The following BCOR variants were observed in gnomAD, a reference collection of about 807,000 sequenced individuals.
BCOR encodes BCL6 corepressor.
Under a neutral mutation model 86.7 loss-of-function variants are expected in BCOR, and 10 were observed. The ratio of observed to expected loss-of-function variants is 0.12; its 90% CI spans 0.07 to 0.20. BCOR has a LOEUF of 0.20. Among genes scored for constraint, BCOR ranks in the 10% least tolerant of loss-of-function variants. The pLI is 1.00. For synonymous variants in BCOR, 611 were observed against 609.0 expected, an observed-to-expected ratio of 1.00 and a Z score of -0.05; for missense variants, 1,259 against 1,452.1, an observed-to-expected ratio of 0.87 and a Z score of 2.16.
intron 1 of BCOR, among the ~76,000 whole-genome samples, chrX:40,136,245 G>A (rs1190571929): frequency 8.9e-6 from 1 of 112,288 alleles, no homozygotes; most frequent in Non-Finnish European, 1.9e-5. Flanking sequence ...ATCCACACTT[G>A]GAGTCAAGCC....
chrX:40,054,308 G>A lies in BCOR; in HGVS notation c.4767C>T (p.Arg1589=), dbSNP rs761422305. The change falls in exon 13 of 15, where the codon CGC becomes CGT. Residue 1589 remains arginine (R), a synonymous_variant. Transcript: ENST00000378444. ...LTDYLNDLQG[R]NDDDASGTWD... The stretch of plus-strand genomic sequence containing the variant: ...AAGTGCCACTGGCGTCATCATCATT[G>A]CGACCCTGGAGGTCATTTAAATAAT... The A allele has an allele frequency of 8.3e-7, 1 of 1,206,620 alleles. No individual in the cohort carries two copies. Among genetic ancestry groups the A allele is most frequent in the Non-Finnish European group, 1.1e-6 (1 of 891,760 alleles).
Position 40,064,470 on chromosome X carries a change from T to C in BCOR, c.3368A>G (p.Asp1123Gly). 1.6e-6 allele frequency: 2 copies of C among 1,212,371 alleles called. No individual in the cohort carries two copies. The highest frequency in any genetic ancestry group is 2.2e-5 in the Admixed American group (1 of 46,147). The change falls in exon 7 of 15, where the codon GAC becomes GGC. Residue 1123 changes from aspartate to glycine, a missense_variant. Asp to Gly is a moderately conservative substitution (Grantham distance 94, BLOSUM62 -1). Coordinates refer to ENST00000378444, the MANE Select transcript of BCOR (RefSeq NM_001123385.2). Reference protein sequence around the residue: ...SEPPADQVASDMPHSPTLRVD... With the variant: ...SEPPADQVASGMPHSPTLRVD... ...CCGGAGGGTGGGGCTGTGAGGCATGTCCGAGGCCACCTGGTCTGCGGGAGG... is the reference window on the plus strand; with the variant it reads ...CCGGAGGGTGGGGCTGTGAGGCATGCCCGAGGCCACCTGGTCTGCGGGAGG...
intron 6 of BCOR, chrX:40,068,194 G>C (rs771643343): frequency 5.4e-5 from 6 of 112,010 alleles, no homozygotes; most frequent in Non-Finnish European, 1.1e-4. Context: ...ACAAGTCACC[G>C]TGGCAACAAA....
At chrX:40,112,059 G>A (rs768144780) in intron 1 of BCOR, among the ~76,000 whole-genome samples, 4 of 111,037 alleles carry the variant, frequency 3.6e-5, no homozygotes, top group South Asian at 3.8e-4. Flanking sequence ...GGGGGGCGGC[G>A]TTGTTTTTCA....
intron 1 of BCOR, among the ~76,000 whole-genome samples, chrX:40,143,435 G>A (rs1376363356): frequency 9.0e-6 from 1 of 111,399 alleles, no homozygotes; most frequent in Admixed American, 9.5e-5. Flanking sequence ...TAAACACCAA[G>A]CCAACTAAAT....
chrX:40,074,261 G>A lies in BCOR; in HGVS notation c.1085C>T (p.Ala362Val), dbSNP rs746238931. 8.3e-7 allele frequency: 1 copy of A among 1,210,701 alleles called. No homozygotes were observed. The highest frequency in any genetic ancestry group is 1.1e-6 in the Non-Finnish European group (1 of 895,332). ...AACTGAAGGAGAGGTGGAGATCCTG[G>A]CATAGTGCTTGTGGAACTCCGAGTA... ...DTYSEFHKHY[A>V]RISTSPSVAL... The change falls in exon 4 of 15, where the codon GCC becomes GTC. Residue 362 changes from alanine to valine, a missense_variant. Physicochemically the swap from Ala to Val is moderately conservative, Grantham distance 64. This residue lies in a region of BCOR where 534 missense variants were observed against 594.8 expected (regional missense o/e 0.90). Transcript: ENST00000378444.
chrX:40,074,969 G>T lies in BCOR; in HGVS notation c.377C>A (p.Pro126Gln). The T allele has an allele frequency of 8.3e-7, 1 of 1,210,415 alleles. No individual in the cohort carries two copies. Among genetic ancestry groups the T allele is most frequent in the South Asian group, 1.8e-5 (1 of 56,836 alleles). The change falls in exon 4 of 15, where the codon CCG (proline) becomes CAG (glutamine). Residue 126 changes from proline (P) to glutamine (Q), a missense_variant. Pro to Gln is a moderately conservative substitution (Grantham distance 76). Coordinates refer to ENST00000378444, the MANE Select transcript of BCOR (RefSeq NM_001123385.2). ...SERNPEMQFKPNTPETVEASA... is the reference protein window; with the variant it reads ...SERNPEMQFKQNTPETVEASA... ...AGCCTCCACTGTCTCGGGTGTATTCGGTTTGAACTGCATCTCTGGATTTCT... is the reference window on the plus strand; with the variant it reads ...AGCCTCCACTGTCTCGGGTGTATTCTGTTTGAACTGCATCTCTGGATTTCT...
chrX:40,102,820 G>A (rs1051564494), upstream of BCOR, among the ~76,000 whole-genome samples: 3 of 113,390 alleles, frequency 2.6e-5, no homozygotes, highest in African/African-American at 9.6e-5. Flanking sequence ...GGAAAGCGGT[G>A]CTGATCTGTC....
chrX:40,151,909 C>T (rs1457627649), intron 1 of BCOR, among the ~76,000 whole-genome samples: 1 of 112,007 alleles, frequency 8.9e-6, no homozygotes, highest in Admixed American at 9.3e-5. Context: ...TACACACTGT[C>T]CTTTCGACGT....
intron 1 of BCOR, among the ~76,000 whole-genome samples, chrX:40,145,127 G>C (rs1938013653): frequency 9.0e-6 from 1 of 111,267 alleles, no homozygotes; most frequent in African/African-American, 3.3e-5. Flanking sequence ...ACTGCACGGA[G>C]CTGCCAGGAG....
intron 1 of BCOR, among the ~76,000 whole-genome samples, chrX:40,121,436 G>A (rs754750716): frequency 1.5e-3 from 169 of 112,759 alleles, no homozygotes; most frequent in Non-Finnish European, 2.6e-3. Context: ...CTACGCCACA[G>A]GCCTCCCCAG....
rs546960508 is a variant in BCOR at position 40,110,667 on chromosome X, C to CTTTTTTTTTTTTTTTTT, written c.-40-32715_-40-32699dup. Among the ~76,000 whole-genome samples, 5 of 29,549 alleles carry CTTTTTTTTTTTTTTTTT rather than the reference C, an allele frequency of 1.7e-4. 1 individual carries two copies. Among genetic ancestry groups the CTTTTTTTTTTTTTTTTT allele is most frequent in the Non-Finnish European group, 3.4e-4 (5 of 14,553 alleles). The allele number at this position is 29,549 out of a possible 115,157, so 25.7% of individuals were successfully genotyped here. On this transcript the variant is annotated intron_variant, in intron 1 of 14. Transcript: ENST00000342274. ...TTCTTTTTTTTCTTTTTTCCTTTTT[C>CTTTTTTTTTTTTTTTTT]TTTTTTTTTTTTTTTTTTTTTTTTT...
Position 40,054,141 on chromosome X carries a change from C to T in BCOR, c.4820-99G>A. ...AGGAGTTTAAATAACAAGATTCTTT[C>T]CCAAGTGAGTCCTGCTTCCAGTGCC... On this transcript the variant is annotated intron_variant, in intron 13 of 14. Transcript: ENST00000378444. The T allele has an allele frequency of 6.3e-6, 7 of 1,107,049 alleles. No individual in the cohort carries two copies. The South Asian group carries it at 1.3e-4, about 21-fold the overall frequency. The allele number at this position is 1,107,049 out of a possible 1,213,427, so 91.2% of individuals were successfully genotyped here. A position where few individuals can be genotyped will look rare whatever the true frequency, so the allele number is the denominator to read the frequency against.
At chrX:40,090,604 T>G (rs1423422240) in intron 1 of BCOR, among the ~76,000 whole-genome samples, 2 of 111,146 alleles carry the variant, frequency 1.8e-5, no homozygotes, top group African/African-American at 6.5e-5. Context: ...GAGGGCGGCT[T>G]CCCGAAGCGA....
At chrX:40,087,661 G>C (rs951768423) in intron 1 of BCOR, among the ~76,000 whole-genome samples, 9 of 111,025 alleles carry the variant, frequency 8.1e-5, no homozygotes, top group Non-Finnish European at 1.5e-4. Flanking sequence ...ATAAACCCCC[G>C]GTGCTGCTTT....
intron 1 of BCOR, among the ~76,000 whole-genome samples, chrX:40,120,279 C>T (rs779039320): frequency 1.8e-5 from 2 of 111,398 alleles, no homozygotes; most frequent in South Asian, 7.6e-4. Flanking sequence ...GCAGACACAG[C>T]CTTTCCCCAT....
chrX:40,117,926 T>G (rs1035974059), intron 1 of BCOR, among the ~76,000 whole-genome samples: 1 of 109,449 alleles, frequency 9.1e-6, no homozygotes, highest in African/African-American at 3.4e-5. Flanking sequence ...ATTCGAGAGA[T>G]AGTTTCCCAG....
chrX:40,110,291 T>G (rs1290740949), intron 1 of BCOR, among the ~76,000 whole-genome samples: 3 of 111,680 alleles, frequency 2.7e-5, no homozygotes, highest in Non-Finnish European at 5.6e-5. Flanking sequence ...GGGAATCACT[T>G]ATGTTGACAT....
chrX:40,055,608 CAT>C, intron 11 of BCOR, 95 bp from the exon 12 acceptor site: 6 of 1,023,232 alleles, frequency 5.9e-6, no homozygotes, highest in Non-Finnish European at 8.1e-6. Context: ...AAGCTGGGCA[CAT>C]GTGCACCTTG....
Sources: gnomAD v4.1 joint callset for allele counts (sites outside exome capture counted in the v4.1 genomes callset) on GRCh38, gnomAD v4.1.1 for gene constraint, gnomAD v4.1.1 regional missense constraint, MANE v1.5 for transcripts, NCBI Gene and HGNC (gene_info 2026-07-23, HGNC 2026-07-21) for gene names.